Variants in LENG8 observed in about 807,000 individuals in gnomAD.
LENG8 encodes leukocyte receptor cluster (LRC) member 8.
Under a neutral mutation model 102.1 loss-of-function variants are expected in LENG8, and 28 were observed. That is an observed-to-expected ratio of 0.27 (90% CI 0.20 to 0.38). LENG8 has a LOEUF of 0.38. Among genes scored for constraint, LENG8 ranks in the 10% least tolerant of loss-of-function variants. The pLI, the probability that LENG8 is intolerant of heterozygous loss-of-function variation, is 1.00. For synonymous variants in LENG8, 531 were observed against 456.7 expected (o/e 1.16, Z -2.07); for missense variants, 1,022 against 1,113.9 (o/e 0.92, Z 1.17).
At chr19:54,460,626 T>C in intron 15 of LENG8, 140 bp from the exon 16 acceptor site, 1 of 1,425,054 alleles carries the variant, frequency 7.0e-7, no homozygotes, top group Non-Finnish European at 9.2e-7. Flanking sequence ...GTGGGGAGGC[T>C]GGGAGGCGGG....
At chr19:54,458,266 A>T in intron 14 of LENG8, 34 bp downstream of exon 14, 2 of 1,613,826 alleles carry the variant, frequency 1.2e-6, no homozygotes, top group Non-Finnish European at 1.7e-6. Flanking sequence ...AGGCCATGGT[A>T]CCCAGGGTTG....
intron 11 of LENG8, among the ~76,000 whole-genome samples, chr19:54,457,351 CTTTT>C (rs1172735314): frequency 6.6e-6 from 1 of 152,138 alleles, no homozygotes; most frequent in Non-Finnish European, 1.5e-5. Flanking sequence ...TTTGTTTTCT[CTTTT>C]TTTGGGAGAG....
At chr19:54,459,436 C>T in intron 15 of LENG8, 1 of 990,608 alleles carries the variant, frequency 1.0e-6, no homozygotes, top group Non-Finnish European at 1.2e-6. Context: ...GTCATGGTCA[C>T]AGCATGGGGG....
Position 54,455,031 on chromosome 19 carries a change from G to A in LENG8, c.760G>A (p.Ala254Thr), listed in dbSNP as rs139748316. The A allele has an allele frequency of 2.0e-5, 32 of 1,614,028 alleles. No individual in the cohort carries two copies. Among genetic ancestry groups the A allele is most frequent in the African/African-American group, 5.3e-5 (4 of 74,910 alleles). Residue 254 changes from alanine to threonine, a missense_variant, in exon 7 of 16, where the codon GCA becomes ACA. This residue lies in a region of LENG8 where 343 missense variants were observed against 320.2 expected (regional missense o/e 1.07). Transcript: ENST00000326764. Reference sequence around the variant, plus strand: ...TACCACCCAGAGCTTTGGCTCCAACGCAGAGGGCCAGCACAGTGGTTTTGG... The same window carrying A: ...TACCACCCAGAGCTTTGGCTCCAACACAGAGGGCCAGCACAGTGGTTTTGG... ...AVTTQSFGSNAEGQHSGFGPQ... is the reference protein window; with the variant it reads ...AVTTQSFGSNTEGQHSGFGPQ...
At position 54,458,135 on chromosome 19, in the gene LENG8, G is replaced by A. The variant is rs375131539; in HGVS notation, c.1935G>A (p.Thr645=). Residue 645 remains threonine (T), a synonymous_variant, in exon 14 of 16, where the codon ACG becomes ACA. Coordinates refer to ENST00000326764, the MANE Select transcript of LENG8 (RefSeq NM_052925.4). ...GDHEEFNQCQ[T]QLKSLYAENL... is the part of the protein sequence containing the mutation. Reference sequence around the variant, plus strand: ...ATGAAGAGTTTAACCAGTGCCAGACGCAGCTCAAGTCGCTGTACGCCGAGA... The same window carrying A: ...ATGAAGAGTTTAACCAGTGCCAGACACAGCTCAAGTCGCTGTACGCCGAGA... 7.9e-5 allele frequency: 127 copies of A among 1,613,908 alleles called. No individual in the cohort carries two copies. Among genetic ancestry groups the A allele is most frequent in the East Asian group, 1.8e-4 (8 of 44,876 alleles).
At chr19:54,460,718 T>TGGGCC in intron 15 of LENG8, 48 bp from the exon 16 acceptor site, 33 of 1,048,006 alleles carry the variant, frequency 3.1e-5, no homozygotes, top group Admixed American at 3.7e-5. Flanking sequence ...GGCCCTCCCC[T>TGGGCC]GCCCTCCCGC....
At chr19:54,460,735 G>T in intron 15 of LENG8, 31 bp from the exon 16 acceptor site, 3 of 334,076 alleles carry the variant, frequency 9.0e-6, no homozygotes, top group Non-Finnish European at 1.3e-5. Context: ...CCGCCCGCCC[G>T]CCTCATCACC....
chr19:54,453,591 G>A lies in LENG8; in HGVS notation c.361G>A (p.Gly121Ser), dbSNP rs754237955. Residue 121 changes from glycine to serine, a missense_variant, in exon 5 of 16, where the codon GGC becomes AGC. By Grantham distance (56) the Gly-to-Ser change is moderately conservative (BLOSUM62 0). Transcript: ENST00000326764. ...YGSPSQYGMAGSYGSATPQQP... is the reference protein window; with the variant it reads ...YGSPSQYGMASSYGSATPQQP... ...CTCCCCTTCCCAGTATGGGATGGCC[G>A]GCTCCTATGGCTCAGCCACACCCCA... The A allele has an allele frequency of 2.7e-5, 43 of 1,613,878 alleles. No individual in the cohort carries two copies. In the East Asian group the frequency reaches 7.1e-4, roughly 27 times the overall value.
At chr19:54,460,156 G>C (rs1005659271) in intron 15 of LENG8, 24 of 1,289,898 alleles carry the variant, frequency 1.9e-5, no homozygotes, top group Non-Finnish European at 2.3e-5. Context: ...CGGGTTCTAG[G>C]ACTTAGTGCC....
intron 6 of LENG8, 96 bp downstream of exon 6, chr19:54,454,778 G>A (rs1306150187): frequency 2.1e-6 from 3 of 1,459,266 alleles, no homozygotes; most frequent in Middle Eastern, 1.8e-4. Flanking sequence ...CTTGTTTCTG[G>A]GTGTTGTGAT....
rs1350172820 is a variant in LENG8, at chr19:54,460,086, G to C, written c.2241-680G>C. On this transcript the variant is annotated intron_variant, in intron 15 of 15. Transcript: ENST00000326764. Reference sequence around the variant, plus strand: ...GACCCTGCCCTGCCAGCTGAGACTGGGAGACGGAGTGGGCTCTGATCCCAG... The same window carrying C: ...GACCCTGCCCTGCCAGCTGAGACTGCGAGACGGAGTGGGCTCTGATCCCAG... The C allele has an allele frequency of 3.1e-6, 4 of 1,289,608 alleles. No homozygotes were observed. The African/African-American group carries it at 6.1e-5, about 20-fold the overall frequency. The allele number at this position is 1,289,608 out of a possible 1,614,324, so 79.9% of individuals were successfully genotyped here.
In LENG8 at chr19:54,461,725, C is replaced by T. The variant is rs1200993088; in HGVS notation, c.*797C>T. ...CCTGCCTTCATGGATCACCAGCTCACGTCATGTTGCCTTCTCTTTTCTTTG... is the reference window on the plus strand; with the variant it reads ...CCTGCCTTCATGGATCACCAGCTCATGTCATGTTGCCTTCTCTTTTCTTTG... On this transcript the variant is annotated 3_prime_UTR_variant, in exon 16 of 16. Coordinates refer to ENST00000326764, the MANE Select transcript of LENG8 (RefSeq NM_052925.4). 6 of 502,292 alleles carry T rather than the reference C, an allele frequency of 1.2e-5. No homozygotes were observed. The highest frequency in any genetic ancestry group is 2.3e-5 in the Admixed American group (1 of 43,318). 31.1% of individuals were successfully genotyped at this position (502,292 alleles called of 1,614,324 possible).
Position 54,455,401 on chromosome 19 carries a change from G to T in LENG8, c.859G>T (p.Asp287Tyr). 6.2e-7 allele frequency: 1 copy of T among 1,614,194 alleles called. No homozygotes were observed. The highest frequency in any genetic ancestry group is 8.5e-7 in the Non-Finnish European group (1 of 1,180,042). Residue 287 changes from aspartate to tyrosine, a missense_variant, in exon 8 of 16, where the codon GAT becomes TAT. Physicochemically the swap from Asp to Tyr is radical, Grantham distance 160. Coordinates refer to ENST00000326764, the MANE Select transcript of LENG8 (RefSeq NM_052925.4). ...SARGNLSGKP[D>Y]DWPQDMKEYV... is the part of the protein sequence containing the mutation. The stretch of plus-strand genomic sequence containing the variant: ...CCGGGGGAACCTGTCTGGGAAGCCG[G>T]ATGACTGGCCCCAGGACATGAAAGA...
intron 10 of LENG8, 50 bp downstream of exon 10, chr19:54,456,515 TG>T: frequency 1.9e-6 from 3 of 1,552,344 alleles, no homozygotes; most frequent in Non-Finnish European, 1.7e-6. Flanking sequence ...AGGAGGGTAC[TG>T]GGGACCCATG....
chr19:54,455,886 C>A (rs559786509), intron 8 of LENG8, 81 bp from the exon 9 acceptor site: 84 of 1,453,188 alleles, frequency 5.8e-5, no homozygotes, highest in Non-Finnish European at 7.7e-5. Context: ...GGAGGCGGGT[C>A]GGTACCTTGA....
rs753992335 is a variant in LENG8 at position 54,453,693 on chromosome 19, CA to C, written c.426+38del. On this transcript the variant is annotated intron_variant, in intron 5 of 15. Transcript: ENST00000326764. Reference sequence around the variant, plus strand: ...GCCCAGCTCCCATACCCTGCTCAAGCAGAGGAAGTGTAGATTTTTGAATGAG... The same window carrying C: ...GCCCAGCTCCCATACCCTGCTCAAGCGAGGAAGTGTAGATTTTTGAATGAG... The C allele has an allele frequency of 5.5e-6, 8 of 1,453,838 alleles. No individual in the cohort carries two copies. In the African/African-American group the frequency reaches 5.6e-5, roughly 10 times the overall value. 90.1% of individuals were successfully genotyped at this position (1,453,838 alleles called of 1,614,324 possible).
chr19:54,461,528 G>A lies in LENG8; in HGVS notation c.*600G>A, dbSNP rs758908650. On this transcript the variant is annotated 3_prime_UTR_variant, in exon 16 of 16. Coordinates refer to ENST00000326764, the MANE Select transcript of LENG8 (RefSeq NM_052925.4). Reference sequence around the variant, plus strand: ...GCACCAGATCCTCCGCCGCCACACCGCACTGAGGACACGCCGGCCGGGCCG... The same window carrying A: ...GCACCAGATCCTCCGCCGCCACACCACACTGAGGACACGCCGGCCGGGCCG... 6 of 471,252 alleles carry A rather than the reference G, an allele frequency of 1.3e-5. No individual in the cohort carries two copies. Among genetic ancestry groups the A allele is most frequent in the East Asian group, 6.9e-5 (1 of 14,414 alleles). 29.2% of individuals were successfully genotyped at this position (471,252 alleles called of 1,614,324 possible). A position where few individuals can be genotyped will look rare whatever the true frequency, so the allele number is the denominator to read the frequency against.
In LENG8 at chr19:54,461,778, TTCC is replaced by T; in HGVS notation, c.*856_*858del. 3.3e-6 allele frequency: 2 copies of T among 608,440 alleles called. No individual in the cohort carries two copies. Among genetic ancestry groups the T allele is most frequent in the Non-Finnish European group, 3.2e-6 (1 of 315,842 alleles). 37.7% of individuals were successfully genotyped at this position (608,440 alleles called of 1,614,324 possible). ...TGTGTGTTTATTTAAGTTATTTTTC[TTCC>T]TCCTCTCCCTTTTCTTTTTGGCCCT... On this transcript the variant is annotated 3_prime_UTR_variant, in exon 16 of 16. Transcript: ENST00000326764.
Position 54,461,176 on chromosome 19 carries a change from G to A in LENG8, c.*248G>A. 1 of 690,390 alleles carries A rather than the reference G, an allele frequency of 1.4e-6. No individual in the cohort carries two copies. The highest frequency in any genetic ancestry group is 2.8e-5 in the East Asian group (1 of 36,028). The allele number at this position is 690,390 out of a possible 1,614,324, so 42.8% of individuals were successfully genotyped here. The stretch of plus-strand genomic sequence containing the variant: ...TGGGCAGCGGAGGGTTGGGGGCATG[G>A]TCTGCAGGCTCATCTGTGTCCGCCT... On this transcript the variant is annotated 3_prime_UTR_variant, in exon 16 of 16. Transcript: ENST00000326764.
Sources: allele counts gnomAD v4.1 joint callset (sites outside exome capture counted in the v4.1 genomes callset), GRCh38; gene constraint gnomAD v4.1.1; regional missense constraint gnomAD v4.1.1; transcripts MANE v1.5; gene names NCBI Gene and HGNC (gene_info 2026-07-23, HGNC 2026-07-21).